The following FKBP9 variants were observed in gnomAD, a reference collection of about 807,000 sequenced individuals.
FKBP9 encodes the protein FKBP prolyl isomerase 9.
Under a neutral mutation model 55.6 loss-of-function variants are expected in FKBP9, and 27 were observed. That is an observed-to-expected ratio of 0.49 (90% CI 0.36 to 0.67). The LOEUF (loss-of-function observed/expected upper bound fraction) is 0.67, where lower values mean the gene tolerates loss of function less well. Among genes scored for constraint, FKBP9 ranks in the 30% least tolerant of loss-of-function variants. The probability of loss-of-function intolerance (pLI) is 0.00; values close to 1 mark genes in which losing one functional copy is unlikely to be tolerated. For synonymous variants in FKBP9, 267 were observed against 296.5 expected (o/e 0.90, Z 1.02); for missense variants, 539 against 742.8 (o/e 0.73, Z 3.19).
rs1168975265 is a variant in FKBP9 at position 32,977,879 on chromosome 7, ATATG to A, written c.703+1384_703+1387del. Among the ~76,000 whole-genome samples the A allele has an allele frequency of 8.1e-3, 1,135 of 140,330 alleles. 38 individuals carry two copies. Among genetic ancestry groups the A allele is most frequent in the African/African-American group, 0.029 (1,066 of 37,372 alleles). The allele number at this position is 140,330 out of a possible 152,430, so 92.1% of individuals were successfully genotyped here. On this transcript the variant is annotated intron_variant, in intron 4 of 9. Transcript: ENST00000242209. ...TATATATATACATGCCCATATATAT[ATATG>A]TATATATACACTCATATATATATAC...
intron 6 of FKBP9, among the ~76,000 whole-genome samples, chr7:32,990,055 C>T (rs1209263580): frequency 2.0e-5 from 3 of 151,704 alleles, no homozygotes; most frequent in Non-Finnish European, 2.9e-5. Flanking sequence ...TTGTCTGGAA[C>T]TCCTGAGCTC....
chr7:32,957,954 C>T (rs1023800615), intron 1 of FKBP9, among the ~76,000 whole-genome samples, 160 bp downstream of exon 1: 1 of 152,250 alleles, frequency 6.6e-6, no homozygotes. Context: ...GACCCTCCGC[C>T]GCGGGTGAGC....
chr7:32,969,669 G>A (rs534865105), intron 1 of FKBP9, among the ~76,000 whole-genome samples: 1 of 152,244 alleles, frequency 6.6e-6, no homozygotes, highest in African/African-American at 2.4e-5. Flanking sequence ...CTCCAGTTTT[G>A]TTCTTCTTTC....
chr7:32,963,778 A>G (rs1784075710), intron 1 of FKBP9: 6 of 1,277,504 alleles, frequency 4.7e-6, no homozygotes, highest in Non-Finnish European at 5.9e-6. Flanking sequence ...TGCTCCAATA[A>G]GCTCCCCATG....
intron 4 of FKBP9, among the ~76,000 whole-genome samples, chr7:32,979,045 G>A (rs1784415470): frequency 6.6e-6 from 1 of 152,146 alleles, no homozygotes; most frequent in African/African-American, 2.4e-5. Context: ...GATTTGGGTG[G>A]ATCGCCTGAG....
chr7:32,972,347 G>A (rs141141811), intron 1 of FKBP9, among the ~76,000 whole-genome samples: 3,317 of 152,198 alleles, frequency 0.022, 79 homozygotes, highest in African/African-American at 0.058. Flanking sequence ...AAAATAGGCT[G>A]TAAAACTAGG....
intron 9 of FKBP9, among the ~76,000 whole-genome samples, chr7:33,003,359 T>C (rs1467881058): frequency 6.6e-6 from 1 of 152,192 alleles, no homozygotes; most frequent in Non-Finnish European, 1.5e-5. Context: ...CCTCCAGCCT[T>C]TTCCTCTCTC....
At chr7:32,991,079 A>C (rs183999977) in intron 6 of FKBP9, among the ~76,000 whole-genome samples, 15 of 152,330 alleles carry the variant, frequency 9.8e-5, no homozygotes, top group African/African-American at 3.6e-4. Flanking sequence ...TTCTAGTCAA[A>C]TATAAACAGA....
At position 32,992,724 on chromosome 7, in the gene FKBP9, G is replaced by A. The variant is rs375975440; in HGVS notation, c.1040-3439G>A. 7.4e-3 allele frequency: 1,572 copies of A among 211,472 alleles called. 23 individuals carry two copies. Among genetic ancestry groups the A allele is most frequent in the African/African-American group, 0.034 (1,483 of 44,090 alleles). The allele number at this position is 211,472 out of a possible 1,614,324, so 13.1% of individuals were successfully genotyped here. A position where few individuals can be genotyped will look rare whatever the true frequency, so the allele number is the denominator to read the frequency against. On this transcript the variant is annotated intron_variant, in intron 6 of 9. Transcript: ENST00000242209. ...GGCTCTGATCTTCATTTTTGCAGGC[G>A]GAGAAACTCCATCTATCCATCCATC...
At chr7:32,967,592 T>C (rs1385764492) in intron 1 of FKBP9, among the ~76,000 whole-genome samples, 1 of 152,202 alleles carries the variant, frequency 6.6e-6, no homozygotes, top group East Asian at 1.9e-4. Context: ...TAATATTTCA[T>C]TGTGTGTGTA....
intron 5 of FKBP9, among the ~76,000 whole-genome samples, chr7:32,986,055 T>G (rs1481607247): frequency 6.6e-6 from 1 of 152,232 alleles, no homozygotes; most frequent in Admixed American, 6.5e-5. Context: ...GACTTCACTT[T>G]TCCATTGGGG....
At chr7:32,985,675 A>G (rs1428782215) in intron 5 of FKBP9, among the ~76,000 whole-genome samples, 2 of 152,116 alleles carry the variant, frequency 1.3e-5, no homozygotes, top group Admixed American at 1.3e-4. Context: ...TTGCTTTAAA[A>G]TTTGTAAGTT....
At chr7:32,968,783 G>A (rs537670155) in intron 1 of FKBP9, among the ~76,000 whole-genome samples, 10 of 151,396 alleles carry the variant, frequency 6.6e-5, no homozygotes, top group East Asian at 3.9e-4. Context: ...TCAGCCCCCC[G>A]AGTAGCTGGG....
chr7:32,987,892 T>C (rs1784607463), intron 5 of FKBP9, among the ~76,000 whole-genome samples: 1 of 151,972 alleles, frequency 6.6e-6, no homozygotes, highest in Admixed American at 6.6e-5. Context: ...GGTTATAGAG[T>C]GTACAGGCTG....
At chr7:33,005,145 C>T (rs371611632) in intron 9 of FKBP9, 30 bp from the exon 10 acceptor site, 1 of 1,605,216 alleles carries the variant, frequency 6.2e-7, no homozygotes, top group Non-Finnish European at 8.5e-7. Flanking sequence ...CGGCTGAACT[C>T]ATGGTCTTTC....
At chr7:32,994,990 G>A (rs1039721622) in intron 6 of FKBP9, 1 of 154,284 alleles carries the variant, frequency 6.5e-6, no homozygotes, top group Non-Finnish European at 1.4e-5. Context: ...TCTTTTTTGA[G>A]GACGGAGTCT....
intron 1 of FKBP9, among the ~76,000 whole-genome samples, chr7:32,965,866 TAC>T (rs1554284359): frequency 1.0e-5 from 1 of 97,540 alleles, no homozygotes; most frequent in African/African-American, 4.7e-5. Flanking sequence ...TATATATATA[TAC>T]ATACATATAT....
chr7:32,996,952 G>A (rs1286011720), intron 7 of FKBP9, among the ~76,000 whole-genome samples: 2 of 148,730 alleles, frequency 1.3e-5, no homozygotes, highest in South Asian at 2.1e-4. Flanking sequence ...CCGCCACCGC[G>A]CCTGGCTAAT....
chr7:32,999,644 A>G (rs977106381), intron 7 of FKBP9, among the ~76,000 whole-genome samples: 4 of 152,230 alleles, frequency 2.6e-5, no homozygotes, highest in African/African-American at 7.2e-5. Flanking sequence ...TCTCCGTTTC[A>G]TAGATAAAGT....
Sources: gnomAD v4.1 joint callset for allele counts (sites outside exome capture counted in the v4.1 genomes callset) on GRCh38, gnomAD v4.1.1 for gene constraint, MANE v1.5 for transcripts, NCBI Gene and HGNC (gene_info 2026-07-23, HGNC 2026-07-21) for gene names.